Variants in LANCL1 observed in about 807,000 individuals in gnomAD.
The protein encoded by LANCL1 is LanC like glutathione S-transferase 1.
Under a neutral mutation model 50.6 loss-of-function variants are expected in LANCL1, and 50 were observed. That is an observed-to-expected ratio of 0.99 (90% CI 0.79 to 1.25). LANCL1 has a LOEUF of 1.25. LANCL1 is among the 50% of genes most tolerant of loss of function. LANCL1 has a pLI of 0.00. For synonymous variants in LANCL1, 188 were observed against 178.6 expected, an observed-to-expected ratio of 1.05 and a Z score of -0.42; for missense variants, 532 against 480.7, an observed-to-expected ratio of 1.11 and a Z score of -1.00.
intron 2 of LANCL1, 72 bp downstream of exon 2, chr2:210,476,244 A>C: frequency 9.6e-7 from 1 of 1,045,510 alleles, no homozygotes; most frequent in Admixed American, 2.0e-5. Flanking sequence ...CAACTCTCTC[A>C]GGCAAAAATG....
intron 9 of LANCL1, 59 bp downstream of exon 9, chr2:210,435,328 A>G: frequency 7.5e-7 from 1 of 1,340,394 alleles, no homozygotes. Context: ...TACATTAATT[A>G]CCAAGCAGAG....
intron 4 of LANCL1, 99 bp downstream of exon 4, chr2:210,455,007 TA>T (rs1314284762): frequency 1.0e-6 from 1 of 966,736 alleles, no homozygotes; most frequent in Non-Finnish European, 1.6e-6. Context: ...ATTTATCTGC[TA>T]AGAGAAAAGT....
At chr2:210,443,783 G>A (rs1272958386) in intron 4 of LANCL1, among the ~76,000 whole-genome samples, 1 of 152,082 alleles carries the variant, frequency 6.6e-6, no homozygotes, top group African/African-American at 2.4e-5. Context: ...AACACTCAGA[G>A]GTACTCAGCA....
intron 3 of LANCL1, among the ~76,000 whole-genome samples, chr2:210,455,962 G>A (rs1559715603): frequency 1.3e-5 from 2 of 151,942 alleles, no homozygotes; most frequent in Non-Finnish European, 2.9e-5. Context: ...CACCTACTTT[G>A]GTAAATGTAA....
In LANCL1 at chr2:210,441,424, T is replaced by C; in HGVS notation, c.427A>G (p.Ile143Val). 1.2e-6 allele frequency: 2 copies of C among 1,610,478 alleles called. No homozygotes were observed. Among genetic ancestry groups the C allele is most frequent in the Non-Finnish European group, 1.7e-6 (2 of 1,177,750 alleles). Residue 143 changes from isoleucine to valine, a missense_variant, in exon 5 of 10, where the codon ATT (isoleucine) becomes GTT (valine). Transcript: ENST00000450366. ...ATTTCATTTGGAGCATGAGGATCAA[T>C]CTTATTTAGGTGAATTAGCCTAAAA... is the stretch of plus-strand genomic sequence containing the variant. ...CITRLIHLNK[I>V]DPHAPNEMLY...
intron 4 of LANCL1, among the ~76,000 whole-genome samples, chr2:210,446,988 A>G (rs1574421949): frequency 6.6e-6 from 1 of 152,092 alleles, no homozygotes; most frequent in Non-Finnish European, 1.5e-5. Flanking sequence ...ATTCACATTC[A>G]GGAAACAGAA....
rs1692793135 is a variant in LANCL1, at chr2:210,432,859, A to C, written c.*1628T>G. The C allele has an allele frequency of 1.3e-5, 2 of 152,274 alleles. No homozygotes were observed. Among genetic ancestry groups the C allele is most frequent in the South Asian group, 2.1e-4 (1 of 4,836 alleles). 9.4% of individuals were successfully genotyped at this position (152,274 alleles called of 1,614,324 possible). On this transcript the variant is annotated 3_prime_UTR_variant, in exon 10 of 10. Coordinates refer to ENST00000450366, the MANE Select transcript of LANCL1 (RefSeq NM_006055.3). ...AATCTGAGAGGCACAAGGTAGTGCC[A>C]ACTTACACAAGTGACAGAAGGAGGA...
In LANCL1 at chr2:210,464,998, C is replaced by A. The variant is rs565889361; in HGVS notation, c.199+6961G>T. ...AAAAAAAAAAAAAAAAAAACTTATG[C>A]GTACAGACTGTACATAGTGCCACCT... is the stretch of plus-strand genomic sequence containing the variant. On this transcript the variant is annotated intron_variant, in intron 3 of 9. Coordinates refer to ENST00000450366, the MANE Select transcript of LANCL1 (RefSeq NM_006055.3). Among the ~76,000 whole-genome samples, 3 of 128,648 alleles carry A rather than the reference C, an allele frequency of 2.3e-5. 1 individual carries two copies. Among genetic ancestry groups the A allele is most frequent in the African/African-American group, 8.8e-5 (3 of 34,236 alleles). The allele number at this position is 128,648 out of a possible 152,430, so 84.4% of individuals were successfully genotyped here.
intron 2 of LANCL1, among the ~76,000 whole-genome samples, chr2:210,474,405 T>C (rs1206222259): frequency 6.6e-6 from 1 of 152,096 alleles, no homozygotes; most frequent in Admixed American, 6.6e-5. Context: ...TTTGTGAATT[T>C]TTCCCCTTAG....
At position 210,446,726 on chromosome 2, in the gene LANCL1, C is replaced by T. The variant is rs559541776; in HGVS notation, c.408-5283G>A. 7.7e-4 allele frequency among the ~76,000 whole-genome samples: 117 copies of T among 151,536 alleles called. No individual in the cohort carries two copies. The South Asian group carries it at 0.015, about 19-fold the overall frequency. On this transcript the variant is annotated intron_variant, in intron 4 of 9. Transcript: ENST00000450366. ...GTGAAGCATACACAAGTATCAATGG[C>T]CAAATTGATCAAGCAGAAGAAAGGA...
chr2:210,435,528 T>G (rs1423390627), intron 8 of LANCL1, 69 bp from the exon 9 acceptor site: 1 of 1,171,550 alleles, frequency 8.5e-7, no homozygotes, highest in Non-Finnish European at 1.3e-6. Context: ...GTTAAGAGGT[T>G]GTCTATACAA....
At chr2:210,474,115 C>T (rs931435959) in intron 2 of LANCL1, among the ~76,000 whole-genome samples, 16 of 152,208 alleles carry the variant, frequency 1.1e-4, no homozygotes, top group African/African-American at 3.6e-4. Context: ...ATATTGATTG[C>T]TTGTGGTACA....
At chr2:210,464,739 G>A (rs892613086) in intron 3 of LANCL1, among the ~76,000 whole-genome samples, 1 of 146,952 alleles carries the variant, frequency 6.8e-6, no homozygotes, top group Non-Finnish European at 1.5e-5. Context: ...GGCTGAGGCG[G>A]GTGGATCATG....
At chr2:210,472,172 T>A (rs1694246438) in intron 2 of LANCL1, 96 bp from the exon 3 acceptor site, 2 of 790,388 alleles carry the variant, frequency 2.5e-6, no homozygotes, top group Non-Finnish European at 4.2e-6. Flanking sequence ...TCTTTTCCAC[T>A]TAGGACATAT....
At chr2:210,473,014 C>T (rs377736085) in intron 2 of LANCL1, among the ~76,000 whole-genome samples, 8 of 152,238 alleles carry the variant, frequency 5.3e-5, no homozygotes, top group Non-Finnish European at 5.9e-5. Context: ...ACAATCATTA[C>T]GTTATTCTTC....
intron 3 of LANCL1, chr2:210,460,805 A>G (rs1285345988): frequency 6.6e-6 from 1 of 152,208 alleles, no homozygotes; most frequent in Non-Finnish European, 1.5e-5. Context: ...GGAGGAAACT[A>G]GTGACTCCAC....
intron 2 of LANCL1, among the ~76,000 whole-genome samples, chr2:210,473,343 C>A (rs1694274199): frequency 6.6e-6 from 1 of 152,096 alleles, no homozygotes; most frequent in South Asian, 2.1e-4. Flanking sequence ...CCACTGCACT[C>A]CAGCCTGGGC....
chr2:210,471,444 GCAATTGCAAA>G, intron 3 of LANCL1: 1 of 370,876 alleles, frequency 2.7e-6, no homozygotes, highest in Non-Finnish European at 5.3e-6. Flanking sequence ...TGGCAATGCA[GCAATTGCAAA>G]CCAAACAGCA....
intron 3 of LANCL1, among the ~76,000 whole-genome samples, chr2:210,464,145 T>C (rs1693963883): frequency 6.6e-6 from 1 of 152,264 alleles, no homozygotes; most frequent in Non-Finnish European, 1.5e-5. Context: ...ATTGTGTATA[T>C]ACGAATTATT....
Sources: allele counts gnomAD v4.1 joint callset (sites outside exome capture counted in the v4.1 genomes callset), GRCh38; gene constraint gnomAD v4.1.1; transcripts MANE v1.5; gene names NCBI Gene and HGNC (gene_info 2026-07-23, HGNC 2026-07-21).